Variants in B4GALNT2 observed in about 807,000 individuals in gnomAD.
The protein encoded by B4GALNT2 is N-acetylneuraminylgalactosylglucosyl-glucoside beta-1,4-N- acetylgalactosaminyltransferase 2.
Under a neutral mutation model 51.1 loss-of-function variants are expected in B4GALNT2, and 42 were observed. The ratio of observed to expected loss-of-function variants is 0.82; its 90% CI spans 0.64 to 1.06. The LOEUF (loss-of-function observed/expected upper bound fraction) is 1.06, where lower values mean the gene tolerates loss of function less well. B4GALNT2 is among the 50% of genes least tolerant of loss of function. The pLI, the probability that B4GALNT2 is intolerant of heterozygous loss-of-function variation, is 0.00. For synonymous variants in B4GALNT2, 253 were observed against 251.7 expected, an observed-to-expected ratio of 1.01 and a Z score of -0.05; for missense variants, 602 against 633.6, an observed-to-expected ratio of 0.95 and a Z score of 0.54.
Position 49,168,685 on chromosome 17 carries a change from G to A in B4GALNT2, c.1100G>A (p.Gly367Asp), listed in dbSNP as rs780130092. 1 of 1,613,214 alleles carries A rather than the reference G, an allele frequency of 6.2e-7. No individual in the cohort carries two copies. Among genetic ancestry groups the A allele is most frequent in the Non-Finnish European group, 8.5e-7 (1 of 1,179,736 alleles). The change falls in exon 10 of 11, where the codon GGC (glycine) becomes GAC (aspartate). Residue 367 changes from glycine (G) to aspartate (D), a missense_variant. Coordinates refer to ENST00000393354, the MANE Select transcript of B4GALNT2 (RefSeq NM_001159387.2). Reference sequence around the variant, plus strand: ...ATTTCTCTGCCTGCTGGCTAGGTAGGCGGCAGTGTGCTGGGAAATGTGTTC... The same window carrying A: ...ATTTCTCTGCCTGCTGGCTAGGTAGACGGCAGTGTGCTGGGAAATGTGTTC... ...VLEKTELDVVGGSVLGNVFQF... is the reference protein window; with the variant it reads ...VLEKTELDVVDGSVLGNVFQF...
rs1435748173 is a variant in B4GALNT2 at position 49,176,002 on chromosome 17, AGTGTGAAAAG to A, written c.*6277_*6286del. The A allele has an allele frequency of 1.3e-5, 2 of 152,202 alleles. No homozygotes were observed. Among genetic ancestry groups the A allele is most frequent in the Non-Finnish European group, 2.9e-5 (2 of 68,038 alleles). The allele number at this position is 152,202 out of a possible 1,614,324, so 9.4% of individuals were successfully genotyped here. A position where few individuals can be genotyped will look rare whatever the true frequency, so the allele number is the denominator to read the frequency against. On this transcript the variant is annotated 3_prime_UTR_variant, in exon 11 of 11. Coordinates refer to ENST00000393354, the MANE Select transcript of B4GALNT2 (RefSeq NM_001159387.2). The stretch of plus-strand genomic sequence containing the variant: ...TATACTTTCCTTCCTTCTCATCATT[AGTGTGAAAAG>A]GTTCTAAGGTGGAACGCACCAGAGC...
upstream of B4GALNT2, among the ~76,000 whole-genome samples, chr17:49,131,264 A>G (rs989954188): frequency 1.3e-5 from 2 of 152,084 alleles, no homozygotes; most frequent in Admixed American, 6.6e-5. Flanking sequence ...GGTCTTGTCA[A>G]AGAGGATCTC....
intron 8 of B4GALNT2, among the ~76,000 whole-genome samples, chr17:49,165,409 TCTCTCCCC>T (rs756799094): frequency 6.9e-5 from 6 of 86,484 alleles, no homozygotes; most frequent in South Asian, 5.3e-4. Flanking sequence ...CCACCCTCCC[TCTCTCCCC>T]CACCTCTCTC....
chr17:49,152,631 G>A (rs1003347765), intron 3 of B4GALNT2, among the ~76,000 whole-genome samples, 169 bp from the exon 4 acceptor site: 5 of 152,182 alleles, frequency 3.3e-5, no homozygotes, highest in Admixed American at 1.3e-4. Flanking sequence ...AGCCGAGATC[G>A]CACTATTGCA....
At chr17:49,125,323 C>G in the B4GALNT2 span, among the ~76,000 whole-genome samples, 4 of 152,064 alleles carry the variant, frequency 2.6e-5, no homozygotes, top group African/African-American at 9.7e-5. Flanking sequence ...CCATTCCTGG[C>G]TAATTTTTGT....
intron 8 of B4GALNT2, among the ~76,000 whole-genome samples, chr17:49,165,676 C>T (rs2042905854): frequency 6.7e-6 from 1 of 149,432 alleles, no homozygotes. Context: ...TACTCTTTCC[C>T]TCTCTCATTT....
intron 7 of B4GALNT2, 36 bp from the exon 8 acceptor site, chr17:49,164,052 A>G (rs536861260): frequency 6.3e-7 from 1 of 1,590,416 alleles, no homozygotes; most frequent in Admixed American, 1.7e-5. Flanking sequence ...AGCTTCCTAC[A>G]GGACAGAGCT....
In B4GALNT2 at chr17:49,164,083, C is replaced by T. The variant is rs765256298; in HGVS notation, c.767-5C>T. The T allele has an allele frequency of 6.2e-7, 1 of 1,613,142 alleles. No individual in the cohort carries two copies. On this transcript the variant is annotated splice_region_variant and splice_polypyrimidine_tract_variant and intron_variant, in intron 7 of 10. Coordinates refer to ENST00000393354, the MANE Select transcript of B4GALNT2 (RefSeq NM_001159387.2). ...GAGCTCTGACACCCACTGTTTTCTG[C>T]CCAGAGAGGAAGCTCAGAAACCTGG...
rs775161271 is a variant in B4GALNT2, at chr17:49,169,577, T to A, written c.1370T>A (p.Ile457Asn). 6.2e-6 allele frequency: 10 copies of A among 1,612,818 alleles called. No homozygotes were observed. In the South Asian group the frequency reaches 6.6e-5, roughly 11 times the overall value. Reference protein sequence around the residue: ...TLLVGSCPEVIIGHQSRSPVV... With the variant: ...TLLVGSCPEVNIGHQSRSPVV... ...CTCGTGGGGTCATGCCCAGAAGTGA[T>A]TATAGGTCACCAGTCTCGGTCTCCA... is the stretch of plus-strand genomic sequence containing the variant. The change falls in exon 11 of 11, where the codon ATT (isoleucine) becomes AAT (asparagine). Residue 457 changes from isoleucine to asparagine, a missense_variant. Coordinates refer to ENST00000393354, the MANE Select transcript of B4GALNT2 (RefSeq NM_001159387.2).
At chr17:49,152,084 T>A (rs913458801) in intron 3 of B4GALNT2, among the ~76,000 whole-genome samples, 10 of 151,936 alleles carry the variant, frequency 6.6e-5, no homozygotes, top group African/African-American at 2.2e-4. Flanking sequence ...TTAAAAAAAA[T>A]ATGCTTTGTT....
intron 1 of B4GALNT2, 69 bp downstream of exon 1, chr17:49,132,875 T>C: frequency 1.5e-6 from 2 of 1,373,706 alleles, no homozygotes; most frequent in African/African-American, 1.5e-5. Flanking sequence ...GCGGGTCCTT[T>C]CTGGCGTCTG....
At chr17:49,125,711 G>GC in the B4GALNT2 span, among the ~76,000 whole-genome samples, 1 of 127,568 alleles carries the variant, frequency 7.8e-6, no homozygotes, top group Admixed American at 7.8e-5. Context: ...GTGGGGGTCG[G>GC]CCCCCGCCGG....
chr17:49,141,311 A>C lies in B4GALNT2; in HGVS notation c.79A>C (p.Met27Leu). The change falls in exon 2 of 11, where the codon ATG (methionine) becomes CTG (leucine). Residue 27 changes from methionine to leucine, a missense_variant. Coordinates refer to ENST00000393354, the MANE Select transcript of B4GALNT2 (RefSeq NM_001159387.2). The part of the protein sequence containing the change: ...IILVLGIVGF[M>L]FGSMFLQAVF... ...CCTGGTACTTGGCATTGTTGGATTTATGTTCGGAAGCATGTTCCTTCAAGC... is the reference window on the plus strand; with the variant it reads ...CCTGGTACTTGGCATTGTTGGATTTCTGTTCGGAAGCATGTTCCTTCAAGC... 1 of 1,614,110 alleles carries C rather than the reference A, an allele frequency of 6.2e-7. No homozygotes were observed. The highest frequency in any genetic ancestry group is 8.5e-7 in the Non-Finnish European group (1 of 1,180,010).
intron 1 of B4GALNT2, among the ~76,000 whole-genome samples, chr17:49,141,021 AC>A (rs760597279): frequency 6.8e-6 from 1 of 147,014 alleles, no homozygotes; most frequent in Non-Finnish European, 1.5e-5. Context: ...CCAGCCTCTA[AC>A]CTTTTTTTTT....
intron 1 of B4GALNT2, among the ~76,000 whole-genome samples, chr17:49,134,818 T>C (rs2042575817): frequency 6.6e-6 from 1 of 152,082 alleles, no homozygotes; most frequent in South Asian, 2.1e-4. Context: ...CCCGAACTCC[T>C]GACCTCAAAT....
intron 6 of B4GALNT2, 111 bp downstream of exon 6, chr17:49,159,328 G>GTGTT (rs890210211): frequency 9.1e-7 from 1 of 1,098,588 alleles, no homozygotes; most frequent in Admixed American, 2.5e-5. Flanking sequence ...TGTTTTGTGT[G>GTGTT]TGTTTGTTTG....
Position 49,171,367 on chromosome 17 carries a change from G to T in B4GALNT2, c.*1639G>T, listed in dbSNP as rs770140385. The stretch of plus-strand genomic sequence containing the variant: ...GCTAATCTGTCTGCAGCTCCTTCAA[G>T]CACTCCAGTTCCTGGCATTAAGGTC... On this transcript the variant is annotated 3_prime_UTR_variant, in exon 11 of 11. Transcript: ENST00000393354. 1 of 430,528 alleles carries T rather than the reference G, an allele frequency of 2.3e-6. No individual in the cohort carries two copies. The highest frequency in any genetic ancestry group is 1.7e-5 in the South Asian group (1 of 59,496). 26.7% of individuals were successfully genotyped at this position (430,528 alleles called of 1,614,324 possible).
chr17:49,128,007 A>T (rs536611723), upstream of B4GALNT2, among the ~76,000 whole-genome samples: 1 of 152,196 alleles, frequency 6.6e-6, no homozygotes, highest in African/African-American at 2.4e-5. Context: ...CCTTTTGAAT[A>T]TACTCATAGC....
At chr17:49,161,179 G>A (rs1435717639) in intron 7 of B4GALNT2, among the ~76,000 whole-genome samples, 7 of 151,888 alleles carry the variant, frequency 4.6e-5, no homozygotes, top group Admixed American at 2.0e-4. Flanking sequence ...GGAGGCTGAG[G>A]CAGGAGAATC....
Sources: allele counts gnomAD v4.1 joint callset (sites outside exome capture counted in the v4.1 genomes callset), GRCh38; gene constraint gnomAD v4.1.1; transcripts MANE v1.5; gene names NCBI Gene and HGNC (gene_info 2026-07-23, HGNC 2026-07-21).